USP32: variants seen among roughly 807,000 people sequenced by gnomAD.
USP32 encodes ubiquitin carboxyl-terminal hydrolase 32.
A neutral mutation model predicts 204.8 loss-of-function variants in USP32; 59 were observed. The ratio of observed to expected loss-of-function variants is 0.29; its 90% CI spans 0.23 to 0.36. The LOEUF is 0.36. Among genes scored for constraint, USP32 ranks in the 10% least tolerant of loss-of-function variants. The probability of loss-of-function intolerance (pLI) is 1.00; values close to 1 mark genes in which losing one functional copy is unlikely to be tolerated. For missense variants in USP32, 1,160 were observed against 1,946.4 expected, an observed-to-expected ratio of 0.60 and a Z score of 7.60; for synonymous variants, 517 against 678.4, an observed-to-expected ratio of 0.76 and a Z score of 3.70.
At chr17:60,310,439 G>A (rs1201334291) in intron 2 of USP32, among the ~76,000 whole-genome samples, 2 of 152,100 alleles carry the variant, frequency 1.3e-5, no homozygotes, top group Admixed American at 6.6e-5. Context: ...GGTGGTTCAC[G>A]CCTGTAATCC....
chr17:60,293,268 A>T (rs2087332452), intron 4 of USP32, among the ~76,000 whole-genome samples: 1 of 152,230 alleles, frequency 6.6e-6, no homozygotes, highest in South Asian at 2.1e-4. Flanking sequence ...ATCTACAAAA[A>T]TGAGAATGTC....
intron 13 of USP32, 138 bp downstream of exon 13, chr17:60,225,901 C>G: frequency 2.3e-6 from 2 of 869,156 alleles, no homozygotes; most frequent in Non-Finnish European, 3.3e-6. Context: ...TTGCAGTGAG[C>G]AGAGATCGCG....
At chr17:60,281,822 CT>C (rs1274839800) in intron 5 of USP32, among the ~76,000 whole-genome samples, 1 of 152,152 alleles carries the variant, frequency 6.6e-6, no homozygotes, top group African/African-American at 2.4e-5. Context: ...CAAAATCACC[CT>C]GGAGGTCTGT....
chr17:60,379,539 G>A (rs999723735), intron 1 of USP32, among the ~76,000 whole-genome samples: 2 of 152,096 alleles, frequency 1.3e-5, no homozygotes, highest in African/African-American at 4.8e-5. Context: ...TTCTCAAACT[G>A]ACACAAATAC....
At chr17:60,216,006 C>T (rs529576755) in intron 16 of USP32, among the ~76,000 whole-genome samples, 1 of 152,288 alleles carries the variant, frequency 6.6e-6, no homozygotes, top group East Asian at 1.9e-4. Flanking sequence ...TGAGCTACCA[C>T]ATTTGGTCAA....
At chr17:60,411,324 A>AAAGTAAATAAAT (rs2090016447) in intron 1 of USP32, among the ~76,000 whole-genome samples, 3 of 138,504 alleles carry the variant, frequency 2.2e-5, no homozygotes, top group African/African-American at 8.9e-5. Context: ...AACTGTCTCA[A>AAAGTAAATAAAT]AAATAAATAA....
At position 60,258,343 on chromosome 17, in the gene USP32, C is replaced by T. The variant is rs138288592; in HGVS notation, c.991-3085G>A. On this transcript the variant is annotated intron_variant, in intron 9 of 33. Coordinates refer to ENST00000300896, the MANE Select transcript of USP32 (RefSeq NM_032582.4). ...GTAAGCAAACTGGGAAGCTCAACAACGTATTTTAGAACATCAGAACTCTTC... is the reference window on the plus strand; with the variant it reads ...GTAAGCAAACTGGGAAGCTCAACAATGTATTTTAGAACATCAGAACTCTTC... 1.9e-4 allele frequency: 36 copies of T among 187,328 alleles called. No individual in the cohort carries two copies. In the East Asian group the frequency reaches 4.0e-3, roughly 21 times the overall value. 11.6% of individuals were successfully genotyped at this position (187,328 alleles called of 1,614,324 possible). A position where few individuals can be genotyped will look rare whatever the true frequency, so the allele number is the denominator to read the frequency against.
chr17:60,386,282 C>T (rs764539626), intron 1 of USP32, among the ~76,000 whole-genome samples: 2 of 151,544 alleles, frequency 1.3e-5, no homozygotes, highest in African/African-American at 2.4e-5. Flanking sequence ...CCATGCTTCC[C>T]GGATACAGTA....
intron 1 of USP32, among the ~76,000 whole-genome samples, chr17:60,353,984 T>C (rs1446569321): frequency 1.3e-5 from 2 of 152,224 alleles, no homozygotes; most frequent in South Asian, 2.1e-4. Flanking sequence ...GTCATTACCA[T>C]GAGCATTCCG....
At chr17:60,413,941 A>G (rs1386934968) in intron 1 of USP32, among the ~76,000 whole-genome samples, 1 of 151,224 alleles carries the variant, frequency 6.6e-6, no homozygotes, top group Non-Finnish European at 1.5e-5. Context: ...CAGGCTCCTC[A>G]GGAAGAAATT....
intron 2 of USP32, among the ~76,000 whole-genome samples, chr17:60,327,970 C>G (rs2088286311): frequency 6.6e-6 from 1 of 152,242 alleles, no homozygotes; most frequent in South Asian, 2.1e-4. Flanking sequence ...TAGTGCAGCT[C>G]GGTGCTGGCC....
chr17:60,287,726 T>C (rs555461393), intron 5 of USP32, among the ~76,000 whole-genome samples: 52 of 152,214 alleles, frequency 3.4e-4, no homozygotes, highest in Admixed American at 2.0e-3. Context: ...GAAACTAATA[T>C]AGCTTCATTA....
At chr17:60,240,003 G>A (rs1467397872) in intron 11 of USP32, among the ~76,000 whole-genome samples, 3 of 152,220 alleles carry the variant, frequency 2.0e-5, no homozygotes, top group African/African-American at 7.2e-5. Context: ...CCAAAGTGCT[G>A]GGATTACAGG....
chr17:60,381,208 G>A (rs1343416378), intron 1 of USP32, among the ~76,000 whole-genome samples: 1 of 152,056 alleles, frequency 6.6e-6, no homozygotes, highest in Non-Finnish European at 1.5e-5. Context: ...AGAGGTCAAG[G>A]CCAGAAGATT....
At chr17:60,403,884 T>C (rs1345074943) in intron 1 of USP32, among the ~76,000 whole-genome samples, 2 of 151,426 alleles carry the variant, frequency 1.3e-5, no homozygotes, top group Non-Finnish European at 2.9e-5. Flanking sequence ...TACAAAAAAT[T>C]AAAAAATTAG....
intron 26 of USP32, among the ~76,000 whole-genome samples, chr17:60,202,725 A>T (rs1180528280): frequency 6.6e-6 from 1 of 150,780 alleles, no homozygotes; most frequent in Non-Finnish European, 1.5e-5. Context: ...ACTAAGATAA[A>T]TAATATCTGT....
At chr17:60,257,011 G>T in intron 9 of USP32, 1 of 253,068 alleles carries the variant, frequency 4.0e-6, no homozygotes. Flanking sequence ...AAGAACTACA[G>T]AAGCAGAAAA....
intron 6 of USP32, 59 bp downstream of exon 6, chr17:60,271,291 T>C (rs1353622844): frequency 2.5e-6 from 4 of 1,576,518 alleles, no homozygotes; most frequent in Admixed American, 3.6e-5. Context: ...GTTACAAATA[T>C]GAGATGGGCT....
chr17:60,221,151 T>C (rs1259394690), intron 15 of USP32, among the ~76,000 whole-genome samples: 1 of 151,992 alleles, frequency 6.6e-6, no homozygotes, highest in Non-Finnish European at 1.5e-5. Flanking sequence ...ACCAGCACTT[T>C]GGGAGGCCAA....
Sources: gnomAD v4.1 joint callset for allele counts (sites outside exome capture counted in the v4.1 genomes callset) on GRCh38, gnomAD v4.1.1 for gene constraint, MANE v1.5 for transcripts, NCBI Gene and HGNC (gene_info 2026-07-23, HGNC 2026-07-21) for gene names.